The following TTC34 variants were observed in gnomAD, a reference collection of about 807,000 sequenced individuals.
The protein encoded by TTC34 is tetratricopeptide repeat domain 34.
In TTC34, 44 loss-of-function variants were observed where a neutral mutation model predicts 40.7. The observed-to-expected ratio is 1.08, with a 90% confidence interval of 0.85 to 1.39. The LOEUF (loss-of-function observed/expected upper bound fraction) is 1.39, where lower values mean the gene tolerates loss of function less well. Ranked by LOEUF, TTC34 falls within the 40% of genes most tolerant of loss-of-function variation. The probability of loss-of-function intolerance (pLI) is 0.00; values close to 1 mark genes in which losing one functional copy is unlikely to be tolerated. For synonymous variants in TTC34, 422 were observed against 398.6 expected (o/e 1.06, Z -0.70); for missense variants, 884 against 838.0 (o/e 1.05, Z -0.68).
intron 6 of TTC34, among the ~76,000 whole-genome samples, chr1:2,660,586 C>G (rs1338825924): frequency 6.1e-5 from 2 of 32,608 alleles, no homozygotes; most frequent in African/African-American, 1.7e-4. Context: ...GAGCAGCACC[C>G]ACACACCCAG....
At chr1:2,691,048 T>G (rs1219717624) in intron 6 of TTC34, among the ~76,000 whole-genome samples, 3 of 64,034 alleles carry the variant, frequency 4.7e-5, no homozygotes, top group Non-Finnish European at 7.4e-5. Flanking sequence ...ACAGCCTCGG[T>G]CAGCACCCAC....
chr1:2,783,238 CA>C (rs1643514518), intron 6 of TTC34, among the ~76,000 whole-genome samples: 1 of 152,206 alleles, frequency 6.6e-6, no homozygotes, highest in Admixed American at 6.5e-5. Flanking sequence ...CCCCTCTCAA[CA>C]CCGGGGGCCA....
intron 7 of TTC34, among the ~76,000 whole-genome samples, chr1:2,644,712 A>G (rs1638983651): frequency 6.6e-6 from 1 of 152,142 alleles, no homozygotes; most frequent in Non-Finnish European, 1.5e-5. Flanking sequence ...TGGGCACTAC[A>G]AGGGGCTGCT....
intron 6 of TTC34, among the ~76,000 whole-genome samples, chr1:2,751,723 C>G (rs1399497309): frequency 1.1e-4 from 15 of 137,536 alleles, no homozygotes; most frequent in African/African-American, 3.4e-4. Context: ...GAGCAGCACC[C>G]ACACCCCCAG....
intron 6 of TTC34, among the ~76,000 whole-genome samples, chr1:2,651,339 T>C (rs1413905589): frequency 6.6e-6 from 1 of 151,116 alleles, no homozygotes; most frequent in Admixed American, 6.6e-5. Flanking sequence ...CTGACAGCAT[T>C]GAATGGCACC....
chr1:2,778,636 C>A lies in TTC34; in HGVS notation c.2226+4973G>T, dbSNP rs113488342. Among the ~76,000 whole-genome samples, 344 of 152,338 alleles carry A rather than the reference C, an allele frequency of 2.3e-3. 2 individuals carry two copies. The highest frequency in any genetic ancestry group is 7.9e-3 in the African/African-American group (328 of 41,568). On this transcript the variant is annotated intron_variant, in intron 6 of 8. Coordinates refer to ENST00000401095, the Ensembl canonical transcript of TTC34. ...TGGGAGCTCTGTGGGGGGAGACAGG[C>A]AGGGGAGGGGCCAGGCAACACCTGG...
At chr1:2,652,237 C>CCTGGAGCAGG (rs1639164843) in intron 6 of TTC34, among the ~76,000 whole-genome samples, 1 of 144,622 alleles carries the variant, frequency 6.9e-6, no homozygotes, top group African/African-American at 2.7e-5. Flanking sequence ...CCTGGAACAG[C>CCTGGAGCAGG]ACCCACACCC....
intron 6 of TTC34, among the ~76,000 whole-genome samples, chr1:2,675,566 A>ATC (rs1639880062): frequency 2.6e-4 from 5 of 19,580 alleles, no homozygotes; most frequent in Non-Finnish European, 4.1e-4. Context: ...CCCACACCCC[A>ATC]AGGCGAGCAT....
chr1:2,652,102 C>T (rs1343341068), intron 6 of TTC34, among the ~76,000 whole-genome samples: 3 of 5,064 alleles, frequency 5.9e-4, no homozygotes, highest in Non-Finnish European at 8.7e-4. Context: ...GAGCATCTGA[C>T]AGACTGGAAC....
chr1:2,699,307 G>C (rs1641018379), intron 6 of TTC34, among the ~76,000 whole-genome samples: 1 of 148,030 alleles, frequency 6.8e-6, no homozygotes, highest in South Asian at 2.1e-4. Context: ...GCGAGCATCT[G>C]ACCGCATGGA....
intron 6 of TTC34, among the ~76,000 whole-genome samples, chr1:2,691,262 C>A (rs1363931307): frequency 1.9e-4 from 13 of 69,118 alleles, no homozygotes; most frequent in African/African-American, 2.3e-4. Context: ...GCACCCACAC[C>A]CCCAGGTGAG....
At chr1:2,687,448 A>T (rs200919799) in intron 6 of TTC34, among the ~76,000 whole-genome samples, 7 of 88,596 alleles carry the variant, frequency 7.9e-5, no homozygotes, top group Admixed American at 2.2e-4. Context: ...ACCCACAACC[A>T]CAGGTGAGCA....
At position 2,665,888 on chromosome 1, in the gene TTC34, C is replaced by G. The variant is rs1427071622; in HGVS notation, c.2227-20325G>C. 2.1e-4 allele frequency among the ~76,000 whole-genome samples: 8 copies of G among 37,794 alleles called. No individual in the cohort carries two copies. In the East Asian group the frequency reaches 0.045, roughly 211 times the overall value. 24.8% of individuals were successfully genotyped at this position (37,794 alleles called of 152,430 possible). ...CTGACAGCCCGTAGCAGCACCCACA[C>G]CCCCAGGGGAGCATCTGACATCCTG... On this transcript the variant is annotated intron_variant, in intron 6 of 8. Coordinates refer to ENST00000401095, the Ensembl canonical transcript of TTC34.
rs1448325052 is a variant in TTC34, at chr1:2,761,059, C to T, written c.2226+22550G>A. On this transcript the variant is annotated intron_variant, in intron 6 of 8. Transcript: ENST00000401095. ...GCACCCACAGTCCCAGGTGAGCATCCGAGAGCGTGGAGCAGCATCCTCACC... is the reference window on the plus strand; with the variant it reads ...GCACCCACAGTCCCAGGTGAGCATCTGAGAGCGTGGAGCAGCATCCTCACC... 1.1e-4 allele frequency among the ~76,000 whole-genome samples: 8 copies of T among 70,764 alleles called. 4 individuals are homozygous for T. Among genetic ancestry groups the T allele is most frequent in the Non-Finnish European group, 1.9e-4 (8 of 41,408 alleles). The allele number at this position is 70,764 out of a possible 152,430, so 46.4% of individuals were successfully genotyped here. A position where few individuals can be genotyped will look rare whatever the true frequency, so the allele number is the denominator to read the frequency against.
chr1:2,757,628 C>A (rs1251594833), intron 6 of TTC34, among the ~76,000 whole-genome samples: 23 of 145,588 alleles, frequency 1.6e-4, no homozygotes, highest in Non-Finnish European at 2.3e-4. Context: ...ACAGCACCCA[C>A]ACCCCCAGGT....
At chr1:2,656,258 C>G (rs1229246188) in intron 6 of TTC34, among the ~76,000 whole-genome samples, 2 of 151,576 alleles carry the variant, frequency 1.3e-5, no homozygotes, top group Non-Finnish European at 2.9e-5. Flanking sequence ...ACACACACAC[C>G]CAGGTGAGCA....
At chr1:2,783,511 G>T in intron 6 of TTC34, 98 bp downstream of exon 6, 1 of 1,217,890 alleles carries the variant, frequency 8.2e-7, no homozygotes. Context: ...TGCTCAGGAT[G>T]GCCTACCCGG....
intron 6 of TTC34, among the ~76,000 whole-genome samples, chr1:2,672,795 C>A (rs1310780551): frequency 9.6e-4 from 94 of 97,980 alleles, no homozygotes; most frequent in Admixed American, 1.7e-3. Flanking sequence ...CACCCACGCC[C>A]CCAGGCGAGC....
chr1:2,686,662 GC>G (rs1214239378), intron 6 of TTC34, among the ~76,000 whole-genome samples: 1 of 151,490 alleles, frequency 6.6e-6, no homozygotes. Flanking sequence ...GCATCTGACA[GC>G]CTGGAACAGC....
Sources: gnomAD v4.1 joint callset for allele counts (sites outside exome capture counted in the v4.1 genomes callset) on GRCh38, gnomAD v4.1.1 for gene constraint, MANE v1.5 for transcripts, NCBI Gene and HGNC (gene_info 2026-07-23, HGNC 2026-07-21) for gene names.